The following MYO16 variants were observed in gnomAD, a reference collection of about 807,000 sequenced individuals.
The protein encoded by MYO16 is unconventional myosin-XVI.
In MYO16, 94 loss-of-function variants were observed where a neutral mutation model predicts 205.3. The ratio of observed to expected loss-of-function variants is 0.46; its 90% CI spans 0.39 to 0.54. The LOEUF is 0.54. MYO16 is among the 20% of genes least tolerant of loss of function. The pLI is 0.00. For missense variants in MYO16, 2,315 were observed against 2,387.5 expected, an observed-to-expected ratio of 0.97 and a Z score of 0.63; for synonymous variants, 988 against 954.0, an observed-to-expected ratio of 1.04 and a Z score of -0.66.
intron 2 of MYO16, among the ~76,000 whole-genome samples, chr13:108,677,964 T>C (rs959773142): frequency 6.6e-6 from 1 of 152,288 alleles, no homozygotes; most frequent in Non-Finnish European, 1.5e-5. Flanking sequence ...GTGATTTTCA[T>C]AGGAAAAAGG....
chr13:108,543,705 A>G, the MYO16 span, among the ~76,000 whole-genome samples: 1 of 147,636 alleles, frequency 6.8e-6, no homozygotes, highest in East Asian at 2.0e-4. Flanking sequence ...AAGTTAAGGT[A>G]CTAGGCAAAT....
At chr13:108,949,693 G>T (rs1300518492) in intron 16 of MYO16, among the ~76,000 whole-genome samples, 1 of 151,932 alleles carries the variant, frequency 6.6e-6, no homozygotes, top group African/African-American at 2.4e-5. Context: ...GTATGTAAAG[G>T]CACAGAACTT....
At position 109,055,367 on chromosome 13, in the gene MYO16, T is replaced by C. The variant is rs1485125416; in HGVS notation, c.3130-23T>C. The C allele has an allele frequency of 8.3e-6, 13 of 1,568,454 alleles. No individual in the cohort carries two copies. The highest frequency in any genetic ancestry group is 2.2e-5 in the East Asian group (1 of 44,490). On this transcript the variant is annotated intron_variant, in intron 26 of 34. Coordinates refer to ENST00000457511, the MANE Select transcript of MYO16 (RefSeq NM_001198950.3). The surrounding 1 kb of genome is among the most constrained non-coding windows in gnomAD (Gnocchi z 5.0). Reference sequence around the variant, plus strand: ...GCTAGTGTCTCCTTTGGAGAATCAGTTGGGTTCTACTTCTCTCCTTAGAAA... The same window carrying C: ...GCTAGTGTCTCCTTTGGAGAATCAGCTGGGTTCTACTTCTCTCCTTAGAAA...
At chr13:109,177,287 ATTCTC>A (rs1879245576) in intron 33 of MYO16, among the ~76,000 whole-genome samples, 1 of 152,150 alleles carries the variant, frequency 6.6e-6, no homozygotes, top group Non-Finnish European at 1.5e-5. Context: ...CCTCAGTGCC[ATTCTC>A]ACTGAATTGA....
At chr13:109,031,412 G>GT (rs558057601) in intron 23 of MYO16, among the ~76,000 whole-genome samples, 386 of 152,204 alleles carry the variant, frequency 2.5e-3, no homozygotes, top group Non-Finnish European at 4.2e-3. Flanking sequence ...AATTCATTTA[G>GT]TTTTTTTGTT....
At chr13:108,978,250 T>G (rs1307276574) in intron 20 of MYO16, among the ~76,000 whole-genome samples, 1 of 152,100 alleles carries the variant, frequency 6.6e-6, no homozygotes, top group South Asian at 2.1e-4. Context: ...CTTTTTGTCT[T>G]TATGTATCTT....
chr13:109,115,789 G>A (rs1331165717), intron 28 of MYO16, among the ~76,000 whole-genome samples: 1 of 152,140 alleles, frequency 6.6e-6, no homozygotes, highest in African/African-American at 2.4e-5. Flanking sequence ...TTTGTTTCCT[G>A]CTAAAGAAGG....
chr13:108,565,659 A>T, the MYO16 span, among the ~76,000 whole-genome samples: 1 of 152,054 alleles, frequency 6.6e-6, no homozygotes, highest in Non-Finnish European at 1.5e-5. Context: ...TTCAATTTTG[A>T]TACGCTTTAT....
intron 16 of MYO16, among the ~76,000 whole-genome samples, chr13:108,934,046 A>G (rs1882375883): frequency 6.6e-6 from 1 of 152,166 alleles, no homozygotes; most frequent in Non-Finnish European, 1.5e-5. Flanking sequence ...ATTGAGAATA[A>G]TGCTGCAAAG....
At chr13:108,757,326 G>A (rs185919840) in intron 4 of MYO16, among the ~76,000 whole-genome samples, 83 of 152,146 alleles carry the variant, frequency 5.5e-4, no homozygotes, top group African/African-American at 1.9e-3. Context: ...AGTTGTCTAC[G>A]GAATATTTTA....
At chr13:109,168,759 A>C (rs1878802747) in intron 33 of MYO16, among the ~76,000 whole-genome samples, 1 of 152,204 alleles carries the variant, frequency 6.6e-6, no homozygotes, top group Non-Finnish European at 1.5e-5. Flanking sequence ...CTAAGTAATC[A>C]ATGTATTCAA....
chr13:108,851,688 G>A (rs1161036569), intron 10 of MYO16, among the ~76,000 whole-genome samples: 2 of 152,100 alleles, frequency 1.3e-5, no homozygotes, highest in Non-Finnish European at 2.9e-5. Flanking sequence ...ATTAATCAAA[G>A]TCCAATCCAT....
At chr13:108,549,259 A>C in the MYO16 span, among the ~76,000 whole-genome samples, 1 of 152,184 alleles carries the variant, frequency 6.6e-6, no homozygotes, top group African/African-American at 2.4e-5. Flanking sequence ...TGATCCTACA[A>C]GAGAGAGATT....
the MYO16 span, among the ~76,000 whole-genome samples, chr13:108,532,057 T>G: frequency 2.0e-5 from 3 of 151,850 alleles, no homozygotes; most frequent in African/African-American, 7.3e-5. Flanking sequence ...AATACAAAAA[T>G]TAGCCAGGCG....
At chr13:109,080,847 T>A (rs1888260734) in intron 27 of MYO16, among the ~76,000 whole-genome samples, 1 of 152,192 alleles carries the variant, frequency 6.6e-6, no homozygotes, top group African/African-American at 2.4e-5. Context: ...CCATTACTTG[T>A]AAGTACTGTG....
intron 4 of MYO16, among the ~76,000 whole-genome samples, chr13:108,778,215 G>T (rs755206972): frequency 6.6e-6 from 1 of 152,050 alleles, no homozygotes; most frequent in Non-Finnish European, 1.5e-5. Context: ...ATTTTTTCCC[G>T]GTGAAGTCAT....
At chr13:108,626,952 T>G (rs1879764359), upstream of MYO16, among the ~76,000 whole-genome samples, 1 of 146,308 alleles carries the variant, frequency 6.8e-6, no homozygotes, top group Non-Finnish European at 1.5e-5. Flanking sequence ...AAATATATAT[T>G]GTATATAATA....
At chr13:109,130,384 T>G (rs1876476975) in intron 31 of MYO16, among the ~76,000 whole-genome samples, 1 of 152,216 alleles carries the variant, frequency 6.6e-6, no homozygotes, top group Non-Finnish European at 1.5e-5. Flanking sequence ...TTACAGTACA[T>G]AATTCTTCAT....
chr13:109,001,672 C>T lies in MYO16; in HGVS notation c.2443-7225C>T, dbSNP rs564251146. On this transcript the variant is annotated intron_variant, in intron 21 of 34. Transcript: ENST00000457511. ...TGGAAATCAGGGATAACTGATTTGT[C>T]GGAGAACCACTTGGAGCAGTCTGGT... Among the ~76,000 whole-genome samples, 52 of 152,226 alleles carry T rather than the reference C, an allele frequency of 3.4e-4. 1 individual carries two copies. The South Asian group carries it at 3.7e-3, about 11-fold the overall frequency.
Sources: gnomAD v4.1 joint callset for allele counts (sites outside exome capture counted in the v4.1 genomes callset) on GRCh38, gnomAD v4.1.1 for gene constraint, Gnocchi (gnomAD v3.1) non-coding constraint, MANE v1.5 for transcripts, NCBI Gene and HGNC (gene_info 2026-07-23, HGNC 2026-07-21) for gene names.